RPS6KC1: variants seen among roughly 807,000 people sequenced by gnomAD.
RPS6KC1 encodes ribosomal protein S6 kinase C1, also known as inactive ribosomal protein S6 kinase delta-1.
In RPS6KC1, 54 loss-of-function variants were observed where a neutral mutation model predicts 103.8. The ratio of observed to expected loss-of-function variants is 0.52; its 90% CI spans 0.42 to 0.65. The LOEUF (loss-of-function observed/expected upper bound fraction) is 0.65. RPS6KC1 is among the 30% of genes least tolerant of loss of function. The pLI is 0.00. For missense variants in RPS6KC1, 1,151 were observed against 1,253.8 expected (o/e 0.92, Z 1.24); for synonymous variants, 439 against 438.7 (o/e 1.00, Z -0.01).
the RPS6KC1 span, among the ~76,000 whole-genome samples, chr1:213,477,517 T>A: frequency 6.6e-6 from 1 of 152,208 alleles, no homozygotes; most frequent in African/African-American, 2.4e-5. Context: ...CTTTGTGAAT[T>A]GTACCTTTCA....
rs2095094458 is a variant in RPS6KC1 at position 213,273,918 on chromosome 1, C to CT, written c.*1285dup. Reference sequence around the variant, plus strand: ...AAATAATTGAAATTTTTGATATGTTCTAATCTTCTTTGCATTTTTGAGATC... The same window carrying CT: ...AAATAATTGAAATTTTTGATATGTTCTTAATCTTCTTTGCATTTTTGAGATC... On this transcript the variant is annotated 3_prime_UTR_variant, in exon 15 of 15. Transcript: ENST00000366960. 6.6e-6 allele frequency: 1 copy of CT among 152,072 alleles called. No homozygotes were observed. Among genetic ancestry groups the CT allele is most frequent in the Non-Finnish European group, 1.5e-5 (1 of 68,022 alleles). 9.4% of individuals were successfully genotyped at this position (152,072 alleles called of 1,614,324 possible).
At chr1:213,650,865 T>C in the RPS6KC1 span, among the ~76,000 whole-genome samples, 1 of 148,578 alleles carries the variant, frequency 6.7e-6, no homozygotes. Flanking sequence ...GTTATCAGCC[T>C]AGCCCAGAGC....
chr1:213,152,432 C>T (rs1208783844), intron 6 of RPS6KC1, among the ~76,000 whole-genome samples: 6 of 150,434 alleles, frequency 4.0e-5, no homozygotes, highest in Non-Finnish European at 6.0e-5. Context: ...AGACGCTCCT[C>T]ACTTCCCAGA....
At chr1:213,395,165 C>T in the RPS6KC1 span, among the ~76,000 whole-genome samples, 1,575 of 152,296 alleles carry the variant, frequency 0.01, 24 homozygotes, top group African/African-American at 0.037. Context: ...GTGGAGGAAT[C>T]CCAGCTTTAG....
At chr1:213,657,888 A>C in the RPS6KC1 span, among the ~76,000 whole-genome samples, 8 of 152,222 alleles carry the variant, frequency 5.3e-5, no homozygotes, top group Non-Finnish European at 2.9e-5. Context: ...TACATGGATG[A>C]ATAACATATT....
the RPS6KC1 span, among the ~76,000 whole-genome samples, chr1:213,813,280 C>T: frequency 1.3e-5 from 2 of 151,992 alleles, no homozygotes; most frequent in Admixed American, 1.3e-4. Context: ...AGTGCAATGG[C>T]ATGATCTCAG....
chr1:213,426,565 CAT>C, the RPS6KC1 span, among the ~76,000 whole-genome samples: 1 of 152,210 alleles, frequency 6.6e-6, no homozygotes, highest in African/African-American at 2.4e-5. Context: ...CAACTGGACA[CAT>C]ATGGTTCGGC....
At chr1:213,249,077 G>C (rs140965315) in intron 12 of RPS6KC1, among the ~76,000 whole-genome samples, 132 of 152,216 alleles carry the variant, frequency 8.7e-4, no homozygotes, top group African/African-American at 3.0e-3. Context: ...TTTCAGAAGA[G>C]GAACATGAGA....
chr1:213,111,733 C>T lies in RPS6KC1; in HGVS notation c.379-5584C>T, dbSNP rs181592213. On this transcript the variant is annotated intron_variant, in intron 4 of 14. Transcript: ENST00000366960. ...CATTTTATAGGTCGGTAACTTAAATCGCACACCTAGTGGTAGAAGAGGTAG... is the reference window on the plus strand; with the variant it reads ...CATTTTATAGGTCGGTAACTTAAATTGCACACCTAGTGGTAGAAGAGGTAG... Among the ~76,000 whole-genome samples, 9 of 152,166 alleles carry T rather than the reference C, an allele frequency of 5.9e-5. No homozygotes were observed. The East Asian group carries it at 1.7e-3, about 29-fold the overall frequency.
At chr1:213,738,104 A>T in the RPS6KC1 span, among the ~76,000 whole-genome samples, 1 of 152,220 alleles carries the variant, frequency 6.6e-6, no homozygotes, top group Non-Finnish European at 1.5e-5. Context: ...TTGTCCTAAA[A>T]ACAACCAGAC....
At chr1:213,682,339 C>T in the RPS6KC1 span, among the ~76,000 whole-genome samples, 2 of 152,230 alleles carry the variant, frequency 1.3e-5, no homozygotes, top group African/African-American at 2.4e-5. Context: ...TTATGCTTCT[C>T]TCTCTACCCC....
the RPS6KC1 span, among the ~76,000 whole-genome samples, chr1:213,419,105 C>T: frequency 2.3e-4 from 35 of 152,358 alleles, no homozygotes; most frequent in African/African-American, 8.2e-4. Flanking sequence ...CTATGTCCCC[C>T]TGGCCTGACT....
At chr1:213,641,766 G>A in the RPS6KC1 span, among the ~76,000 whole-genome samples, 3 of 151,902 alleles carry the variant, frequency 2.0e-5, no homozygotes, top group East Asian at 5.8e-4. Context: ...TACAGTCACA[G>A]TGTGTCTGAG....
At chr1:213,490,371 G>A in the RPS6KC1 span, among the ~76,000 whole-genome samples, 57 of 152,254 alleles carry the variant, frequency 3.7e-4, no homozygotes, top group African/African-American at 1.3e-3. Flanking sequence ...CAGAGGTGCC[G>A]GCTGAAGAGT....
chr1:213,236,229 T>C (rs1368992733), intron 10 of RPS6KC1, among the ~76,000 whole-genome samples: 1 of 152,146 alleles, frequency 6.6e-6, no homozygotes, highest in Non-Finnish European at 1.5e-5. Context: ...TTGTCTTCCA[T>C]GAAACTGGTC....
intron 1 of RPS6KC1, among the ~76,000 whole-genome samples, chr1:213,055,324 CT>C (rs970139543): frequency 5.2e-4 from 76 of 145,134 alleles, no homozygotes; most frequent in Middle Eastern, 7.1e-3. Flanking sequence ...ATAGTATGCA[CT>C]TTTTTTTTTT....
chr1:213,615,396 A>G, the RPS6KC1 span, among the ~76,000 whole-genome samples: 13,058 of 152,306 alleles, frequency 0.086, 829 homozygotes, highest in East Asian at 0.28. Context: ...ACCAGCCTTC[A>G]GTGCCTGCAA....
chr1:213,263,189 T>G (rs1014879078), intron 14 of RPS6KC1, among the ~76,000 whole-genome samples: 1 of 152,218 alleles, frequency 6.6e-6, no homozygotes, highest in African/African-American at 2.4e-5. Flanking sequence ...AATTCTTACT[T>G]ATAAGTTTAC....
the RPS6KC1 span, among the ~76,000 whole-genome samples, chr1:213,658,801 C>G: frequency 6.6e-6 from 1 of 152,170 alleles, no homozygotes; most frequent in Non-Finnish European, 1.5e-5. Context: ...CCTGCTGAGG[C>G]TTTCTCATCC....
Sources: gnomAD v4.1 joint callset for allele counts (sites outside exome capture counted in the v4.1 genomes callset) on GRCh38, gnomAD v4.1.1 for gene constraint, MANE v1.5 for transcripts, NCBI Gene and HGNC (gene_info 2026-07-23, HGNC 2026-07-21) for gene names.